ZNF121: variants seen among roughly 807,000 people sequenced by gnomAD.
ZNF121 encodes zinc finger protein 121.
Under a neutral mutation model 2.4 loss-of-function variants are expected in ZNF121, and 1 was observed. That is an observed-to-expected ratio of 0.41 (90% CI 0.15 to 1.94). The LOEUF is 1.94. Among genes scored for constraint, ZNF121 ranks in the 30% most tolerant of loss-of-function variants. ZNF121 has a pLI of 0.30. For synonymous variants in ZNF121, 173 were observed against 158.6 expected, an observed-to-expected ratio of 1.09 and a Z score of -0.68; for missense variants, 369 against 466.3, an observed-to-expected ratio of 0.79 and a Z score of 1.92.
At chr19:9,574,997 C>G (rs1407787163) in intron 1 of ZNF121, among the ~76,000 whole-genome samples, 1 of 152,170 alleles carries the variant, frequency 6.6e-6, no homozygotes, top group Non-Finnish European at 1.5e-5. Context: ...AGGCTGGTCT[C>G]AAAGTCCTGA....
intron 1 of ZNF121, among the ~76,000 whole-genome samples, chr19:9,574,829 T>C (rs916649374): frequency 2.6e-5 from 4 of 152,196 alleles, no homozygotes; most frequent in African/African-American, 7.2e-5. Context: ...ATAAAGTACA[T>C]TGATTTCTTT....
intron 3 of ZNF121, chr19:9,567,657 G>T: frequency 2.9e-6 from 1 of 348,254 alleles, no homozygotes; most frequent in Admixed American, 2.7e-5. Flanking sequence ...CCATAAAATA[G>T]GATCAGCAGG....
Position 9,566,500 on chromosome 19 carries a change from A to G in ZNF121, c.613T>C (p.Cys205Arg), listed in dbSNP as rs1235865784. 6.2e-7 allele frequency: 1 copy of G among 1,614,156 alleles called. No individual in the cohort carries two copies. Among genetic ancestry groups the G allele is most frequent in the South Asian group, 1.1e-5 (1 of 91,076 alleles). ...GAGCGCCCAGCGAAGGCTCTTCCAC[A>G]TTCCTTACATTGATAAGGTTTCTCT... ...TGEKPYQCKECGRAFAGRSGL... is the reference protein window; with the variant it reads ...TGEKPYQCKERGRAFAGRSGL... Residue 205 changes from cysteine (C) to arginine (R), a missense_variant, in exon 4 of 4, where the codon TGT becomes CGT. Physicochemically the swap from Cys to Arg is radical, Grantham distance 180. Coordinates refer to ENST00000320451, the MANE Select transcript of ZNF121 (RefSeq NM_001008727.5).
chr19:9,584,504 T>C lies in ZNF121; in HGVS notation c.-203A>G, dbSNP rs1402586743. On this transcript the variant is annotated 5_prime_UTR_variant, in exon 1 of 4. Coordinates refer to ENST00000320451, the MANE Select transcript of ZNF121 (RefSeq NM_001008727.5). The stretch of plus-strand genomic sequence containing the variant: ...CACCACGATAAAGGCGAAATGGCAC[T>C]GACCATGCGGAGCCAGCGCCGGAAA... 1.3e-5 allele frequency: 2 copies of C among 152,258 alleles called. No individual in the cohort carries two copies. The highest frequency in any genetic ancestry group is 2.9e-5 in the Non-Finnish European group (2 of 68,060). The allele number at this position is 152,258 out of a possible 1,614,324, so 9.4% of individuals were successfully genotyped here.
Position 9,566,815 on chromosome 19 carries a change from G to C in ZNF121, c.298C>G (p.Gln100Glu), listed in dbSNP as rs2074136117. Reference sequence around the variant, plus strand: ...ATCCTATTTGCCTGAAGATGTGACTGATCAACAAAGGCTTCCTCACAGTCA... The same window carrying C: ...ATCCTATTTGCCTGAAGATGTGACTCATCAACAAAGGCTTCCTCACAGTCA... ...YSDCEEAFVD[Q>E]SHLQANRITH... The change falls in exon 4 of 4, where the codon CAG (glutamine) becomes GAG (glutamate). Residue 100 changes from glutamine to glutamate, a missense_variant. By Grantham distance (29) the Gln-to-Glu change is conservative. Around this residue, in one of 4 missense-constraint regions of ZNF121, gnomAD observed 168 missense variants for 162.3 expected, o/e 1.03. Coordinates refer to ENST00000320451, the MANE Select transcript of ZNF121 (RefSeq NM_001008727.5). 2.5e-6 allele frequency: 4 copies of C among 1,614,178 alleles called. No homozygotes were observed. The highest frequency in any genetic ancestry group is 3.4e-6 in the Non-Finnish European group (4 of 1,180,032).
rs1407099526 is a variant in ZNF121 at position 9,568,250 on chromosome 19, T to C, written c.-78-75A>G. The C allele has an allele frequency of 4.7e-6, 3 of 636,564 alleles. No individual in the cohort carries two copies. In the African/African-American group the frequency reaches 5.5e-5, roughly 12 times the overall value. 39.4% of individuals were successfully genotyped at this position (636,564 alleles called of 1,614,324 possible). A position where few individuals can be genotyped will look rare whatever the true frequency, so the allele number is the denominator to read the frequency against. ...CAGTAGGTTAAATAAGTCAGAATTA[T>C]AAAGCTCATTTTTATTTGTCATATT... On this transcript the variant is annotated intron_variant, in intron 2 of 3. Coordinates refer to ENST00000320451, the MANE Select transcript of ZNF121 (RefSeq NM_001008727.5).
rs558235321 is a variant in ZNF121, at chr19:9,572,035, T to C, written c.-159-2953A>G. Among the ~76,000 whole-genome samples, 15 of 152,280 alleles carry C rather than the reference T, an allele frequency of 9.9e-5. No homozygotes were observed. In the South Asian group the frequency reaches 3.1e-3, roughly 32 times the overall value. On this transcript the variant is annotated intron_variant, in intron 1 of 3. Coordinates refer to ENST00000320451, the MANE Select transcript of ZNF121 (RefSeq NM_001008727.5). Reference sequence around the variant, plus strand: ...CCACGTCAGCCTCCCAGTGTTAGGATTACGGGCATGAATCATTGTGCCCTG... The same window carrying C: ...CCACGTCAGCCTCCCAGTGTTAGGACTACGGGCATGAATCATTGTGCCCTG...
rs763152951 is a variant in ZNF121, at chr19:9,565,188, T to A, written c.*752A>T. 8 of 150,940 alleles carry A rather than the reference T, an allele frequency of 5.3e-5. No individual in the cohort carries two copies. The highest frequency in any genetic ancestry group is 1.2e-4 in the Non-Finnish European group (8 of 67,748). 9.4% of individuals were successfully genotyped at this position (150,940 alleles called of 1,614,324 possible). A position where few individuals can be genotyped will look rare whatever the true frequency, so the allele number is the denominator to read the frequency against. ...ATGCCTGTATCTTGTATCAATAGGG[T>A]TTCTCTTCTCCATTGCAACATCTTA... On this transcript the variant is annotated 3_prime_UTR_variant, in exon 4 of 4. Coordinates refer to ENST00000320451, the MANE Select transcript of ZNF121 (RefSeq NM_001008727.5).
At chr19:9,567,167 T>C in intron 3 of ZNF121, 58 bp from the exon 4 acceptor site, 5 of 1,456,162 alleles carry the variant, frequency 3.4e-6, no homozygotes, top group South Asian at 1.3e-5. Flanking sequence ...CAACAGATTT[T>C]ACCCATCTGA....
Position 9,566,362 on chromosome 19 carries a change from T to C in ZNF121, c.751A>G (p.Thr251Ala). The C allele has an allele frequency of 3.7e-6, 6 of 1,613,892 alleles. No individual in the cohort carries two copies. The highest frequency in any genetic ancestry group is 5.1e-6 in the Non-Finnish European group (6 of 1,179,964). ...YLLTEHFKTHTEEKPFECKVC... is the reference protein window; with the variant it reads ...YLLTEHFKTHAEEKPFECKVC... ...TTACATTCAAAGGGCTTCTCCTCTGTGTGAGTTTTAAAATGTTCAGTTAGT... is the reference window on the plus strand; with the variant it reads ...TTACATTCAAAGGGCTTCTCCTCTGCGTGAGTTTTAAAATGTTCAGTTAGT... Residue 251 changes from threonine (T) to alanine (A), a missense_variant, in exon 4 of 4, where the codon ACA becomes GCA. By Grantham distance (58) the Thr-to-Ala change is moderately conservative (BLOSUM62 0). This residue lies in a region of ZNF121 where 127 missense variants were observed against 169.9 expected (regional missense o/e 0.75). Coordinates refer to ENST00000320451, the MANE Select transcript of ZNF121 (RefSeq NM_001008727.5).
At chr19:9,567,472 C>T (rs1391886789) in intron 3 of ZNF121, among the ~76,000 whole-genome samples, 1 of 152,090 alleles carries the variant, frequency 6.6e-6, no homozygotes, top group Non-Finnish European at 1.5e-5. Flanking sequence ...GCAGAGGTCC[C>T]CAACCTTTTT....
chr19:9,576,935 C>A (rs185586775), intron 1 of ZNF121, among the ~76,000 whole-genome samples: 79 of 152,194 alleles, frequency 5.2e-4, no homozygotes, highest in Middle Eastern at 3.4e-3. Flanking sequence ...CTCAACACAC[C>A]AATAACAAGA....
rs71185609 is a variant in ZNF121, at chr19:9,565,353, CAAAAAAAAAAAAAAAAAAAA to C, written c.*567_*586del. On this transcript the variant is annotated 3_prime_UTR_variant, in exon 4 of 4. Transcript: ENST00000320451. Reference sequence around the variant, plus strand: ...AAGAATGTGTATTAACAACGACTTACAAAAAAAAAAAAAAAAAAAAAAAAAAAAAAAAAAGGCCAGGAGCA... The same window carrying C: ...AAGAATGTGTATTAACAACGACTTACAAAAAAAAAAAAAAGGCCAGGAGCA... 5 of 29,816 alleles carry C rather than the reference CAAAAAAAAAAAAAAAAAAAA, an allele frequency of 1.7e-4. No individual in the cohort carries two copies. Among genetic ancestry groups the C allele is most frequent in the South Asian group, 2.0e-3 (1 of 508 alleles). The allele number at this position is 29,816 out of a possible 1,614,324, so 1.8% of individuals were successfully genotyped here.
In ZNF121 at chr19:9,562,878, T is replaced by A. The variant is rs2074108303; in HGVS notation, c.*3062A>T. 1 of 115,872 alleles carries A rather than the reference T, an allele frequency of 8.6e-6. No individual in the cohort carries two copies. The highest frequency in any genetic ancestry group is 3.4e-5 in the African/African-American group (1 of 29,580). 7.2% of individuals were successfully genotyped at this position (115,872 alleles called of 1,614,324 possible). ...ATCAGCCGGGTAAACAGTAAAGTCC[T>A]GCCTCTTTAAAAAAAAAAAAAAAAA... is the stretch of plus-strand genomic sequence containing the variant. On this transcript the variant is annotated 3_prime_UTR_variant, in exon 4 of 4. Coordinates refer to ENST00000320451, the MANE Select transcript of ZNF121 (RefSeq NM_001008727.5).
intron 1 of ZNF121, among the ~76,000 whole-genome samples, chr19:9,570,174 C>G (rs940665411): frequency 5.3e-5 from 8 of 152,028 alleles, no homozygotes; most frequent in African/African-American, 1.9e-4. Context: ...CCACTGCACT[C>G]CAGGCTGGGC....
chr19:9,567,184 A>T lies in ZNF121; in HGVS notation c.4-75T>A, dbSNP rs2074140094. The T allele has an allele frequency of 4.5e-6, 6 of 1,321,848 alleles. No homozygotes were observed. The South Asian group carries it at 8.7e-5, about 19-fold the overall frequency. The allele number at this position is 1,321,848 out of a possible 1,614,324, so 81.9% of individuals were successfully genotyped here. On this transcript the variant is annotated intron_variant, in intron 3 of 3. Coordinates refer to ENST00000320451, the MANE Select transcript of ZNF121 (RefSeq NM_001008727.5). ...ACAGATTTTACCCATCTGAAATCAGACAGTTTATTATGATTATAATTTTTG... is the reference window on the plus strand; with the variant it reads ...ACAGATTTTACCCATCTGAAATCAGTCAGTTTATTATGATTATAATTTTTG...
rs1464774188 is a variant in ZNF121, at chr19:9,563,047, T to A, written c.*2893A>T. 9 of 128,074 alleles carry A rather than the reference T, an allele frequency of 7.0e-5. No homozygotes were observed. Among genetic ancestry groups the A allele is most frequent in the Non-Finnish European group, 9.5e-5 (6 of 63,112 alleles). 7.9% of individuals were successfully genotyped at this position (128,074 alleles called of 1,614,324 possible). On this transcript the variant is annotated 3_prime_UTR_variant, in exon 4 of 4. Coordinates refer to ENST00000320451, the MANE Select transcript of ZNF121 (RefSeq NM_001008727.5). ...TCCAGCCTGGGCAAAAGGGAGACCA[T>A]GTCTCAAAAAAAAAAAAAAAAAAAA...
In ZNF121 at chr19:9,565,847, T is replaced by C. The variant is rs2074127651; in HGVS notation, c.*93A>G. On this transcript the variant is annotated 3_prime_UTR_variant, in exon 4 of 4. Transcript: ENST00000320451. The stretch of plus-strand genomic sequence containing the variant: ...GGCCTCCTCACATTCTTTGTACCAA[T>C]AAAATTTCTCTTCAGTGTGAATTCA... 1.5e-5 allele frequency: 16 copies of C among 1,038,696 alleles called. No homozygotes were observed. The Middle Eastern group carries it at 1.0e-3, about 68-fold the overall frequency. 64.3% of individuals were successfully genotyped at this position (1,038,696 alleles called of 1,614,324 possible).
At chr19:9,576,825 C>CA (rs1348352741) in intron 1 of ZNF121, among the ~76,000 whole-genome samples, 3 of 152,024 alleles carry the variant, frequency 2.0e-5, no homozygotes, top group African/African-American at 7.2e-5. Flanking sequence ...GAAACTATTA[C>CA]AAAAAACTAT....
Sources: gnomAD v4.1 joint callset for allele counts (sites outside exome capture counted in the v4.1 genomes callset) on GRCh38, gnomAD v4.1.1 for gene constraint, gnomAD v4.1.1 regional missense constraint, MANE v1.5 for transcripts, NCBI Gene and HGNC (gene_info 2026-07-23, HGNC 2026-07-21) for gene names.